SDK1: variants seen among roughly 807,000 people sequenced by gnomAD.
SDK1 encodes the protein protein sidekick-1.
Under a neutral mutation model 245.5 loss-of-function variants are expected in SDK1, and 157 were observed. That is an observed-to-expected ratio of 0.64 (90% CI 0.56 to 0.73). The LOEUF is 0.73. Ranked by LOEUF, SDK1 falls within the 30% of genes least tolerant of loss-of-function variation. SDK1 has a pLI of 0.00. For missense variants in SDK1, 3,583 were observed against 3,002.3 expected (o/e 1.19, Z -4.52); for synonymous variants, 1,647 against 1,278.5 (o/e 1.29, Z -6.15).
At chr7:3,866,825 A>G (rs577939364) in intron 5 of SDK1, among the ~76,000 whole-genome samples, 2 of 152,274 alleles carry the variant, frequency 1.3e-5, no homozygotes, top group East Asian at 3.9e-4. Flanking sequence ...GTAAGGACAG[A>G]CTGTGAAGGA....
chr7:3,965,720 G>A (rs1782034360), intron 9 of SDK1, among the ~76,000 whole-genome samples: 1 of 151,270 alleles, frequency 6.6e-6, no homozygotes, highest in Non-Finnish European at 1.5e-5. Context: ...ACTCCAGCCA[G>A]CCAGGGGTGC....
chr7:4,220,383 G>T, intron 39 of SDK1, 113 bp downstream of exon 39: 1 of 1,197,552 alleles, frequency 8.4e-7, no homozygotes, highest in Non-Finnish European at 1.2e-6. Flanking sequence ...TGGCGGCCAA[G>T]AGCTGGCATC....
At chr7:3,909,606 A>G (rs1028792484) in intron 5 of SDK1, among the ~76,000 whole-genome samples, 9 of 152,238 alleles carry the variant, frequency 5.9e-5, no homozygotes, top group Non-Finnish European at 1.2e-4. Flanking sequence ...TTGAGCACTC[A>G]TCACATGTGT....
rs375356123 is a variant in SDK1, at chr7:4,178,499, C to T, written c.5011C>T (p.Arg1671Trp). ...MCELTHLKKY[R>W]RYEVIMTAYN... Reference sequence around the variant, plus strand: ...CAACCCTGCAGATTTAAAGAAGTACCGGCGCTATGAAGTAATAATGACCGC... The same window carrying T: ...CAACCCTGCAGATTTAAAGAAGTACTGGCGCTATGAAGTAATAATGACCGC... The change falls in exon 35 of 45, where the codon CGG (arginine) becomes TGG (tryptophan). Residue 1671 changes from arginine to tryptophan, a missense_variant. Arg to Trp is a moderately radical substitution (Grantham distance 101, BLOSUM62 -3). Coordinates refer to ENST00000404826, the MANE Select transcript of SDK1 (RefSeq NM_152744.4). The T allele has an allele frequency of 1.3e-5, 21 of 1,613,002 alleles. No homozygotes were observed. In the East Asian group the frequency reaches 3.8e-4, roughly 29 times the overall value.
intron 4 of SDK1, among the ~76,000 whole-genome samples, chr7:3,805,906 A>C (rs1462766843): frequency 6.6e-6 from 1 of 152,160 alleles, no homozygotes. Flanking sequence ...ACCTCCTTGT[A>C]GCTGGCCTGG....
chr7:3,741,253 A>G lies in SDK1; in HGVS notation c.714-80197A>G, dbSNP rs972049641. Reference sequence around the variant, plus strand: ...AGTGTGTTTTGAGTTTTTCCAGCCAATTTTTGGAGTAACCAAAACTTTAGG... The same window carrying G: ...AGTGTGTTTTGAGTTTTTCCAGCCAGTTTTTGGAGTAACCAAAACTTTAGG... On this transcript the variant is annotated intron_variant, in intron 4 of 44. Transcript: ENST00000404826. Among the ~76,000 whole-genome samples, 4 of 152,142 alleles carry G rather than the reference A, an allele frequency of 2.6e-5. No individual in the cohort carries two copies. The East Asian group carries it at 5.8e-4, about 22-fold the overall frequency.
chr7:4,149,497 CG>C, intron 30 of SDK1, 34 bp downstream of exon 30: 3 of 1,380,634 alleles, frequency 2.2e-6, no homozygotes, highest in Non-Finnish European at 2.8e-6. Context: ...CCCCGGGGAA[CG>C]GGGCCCTGGC....
At chr7:3,709,219 A>C (rs918089759) in intron 4 of SDK1, among the ~76,000 whole-genome samples, 5 of 152,328 alleles carry the variant, frequency 3.3e-5, no homozygotes, top group African/African-American at 1.2e-4. Flanking sequence ...GCTGGATACA[A>C]AATTCTTGGC....
intron 13 of SDK1, among the ~76,000 whole-genome samples, chr7:3,980,027 G>T (rs750173013): frequency 7.9e-5 from 12 of 152,256 alleles, no homozygotes; most frequent in Non-Finnish European, 1.6e-4. Context: ...AAGGAGTGAA[G>T]AATTTAATAC....
intron 5 of SDK1, among the ~76,000 whole-genome samples, chr7:3,942,120 A>G (rs1426771456): frequency 6.6e-6 from 1 of 151,938 alleles, no homozygotes; most frequent in Non-Finnish European, 1.5e-5. Context: ...GTTAGCTAGG[A>G]TGGTCTCGAT....
chr7:3,596,703 G>A (rs992791150), intron 1 of SDK1, among the ~76,000 whole-genome samples: 3 of 151,932 alleles, frequency 2.0e-5, no homozygotes, highest in African/African-American at 7.3e-5. Context: ...AAATCAAAAT[G>A]TTAAAAGAAG....
At chr7:3,723,327 A>C (rs368320612) in intron 4 of SDK1, among the ~76,000 whole-genome samples, 7 of 152,360 alleles carry the variant, frequency 4.6e-5, no homozygotes, top group Admixed American at 6.5e-5. Context: ...TCCTGAAAGA[A>C]GAGCAATTTT....
In SDK1 at chr7:3,330,784, C is replaced by T. The variant is rs924004737; in HGVS notation, c.298+28900C>T. 2.1e-4 allele frequency among the ~76,000 whole-genome samples: 25 copies of T among 119,902 alleles called. 1 individual carries two copies. The highest frequency in any genetic ancestry group is 7.3e-4 in the African/African-American group (23 of 31,304). 78.7% of individuals were successfully genotyped at this position (119,902 alleles called of 152,430 possible). A position where few individuals can be genotyped will look rare whatever the true frequency, so the allele number is the denominator to read the frequency against. On this transcript the variant is annotated intron_variant, in intron 1 of 44. Coordinates refer to ENST00000404826, the MANE Select transcript of SDK1 (RefSeq NM_152744.4). ...GAACAGGAATTCGAGACAATGTGGG[C>T]AACATAACAAAACCATTTCGCTTAA...
chr7:3,527,876 G>A (rs1783199868), intron 1 of SDK1, among the ~76,000 whole-genome samples: 1 of 150,944 alleles, frequency 6.6e-6, no homozygotes, highest in Non-Finnish European at 1.5e-5. Flanking sequence ...ATGATAGTCA[G>A]CTAGAGAGTG....
At chr7:3,942,534 C>T (rs1040590638) in intron 5 of SDK1, among the ~76,000 whole-genome samples, 2 of 152,198 alleles carry the variant, frequency 1.3e-5, no homozygotes, top group African/African-American at 4.8e-5. Context: ...AGCCAAAGAA[C>T]ATATTGCTCA....
intron 4 of SDK1, among the ~76,000 whole-genome samples, chr7:3,736,397 C>T (rs1223485377): frequency 6.6e-6 from 1 of 152,046 alleles, no homozygotes; most frequent in African/African-American, 2.4e-5. Flanking sequence ...GGTTCACGCC[C>T]TTCTCCTGCC....
intron 4 of SDK1, among the ~76,000 whole-genome samples, chr7:3,770,619 G>C (rs1369411703): frequency 6.6e-6 from 1 of 152,198 alleles, no homozygotes; most frequent in African/African-American, 2.4e-5. Context: ...TTGTTGTGGA[G>C]AGATTCCCCC....
At chr7:3,469,691 C>A (rs1781123104) in intron 1 of SDK1, among the ~76,000 whole-genome samples, 1 of 152,112 alleles carries the variant, frequency 6.6e-6, no homozygotes, top group African/African-American at 2.4e-5. Flanking sequence ...ATTTTCTGAG[C>A]AGTTTGCTTG....
At chr7:3,476,684 T>C (rs1781356630) in intron 1 of SDK1, among the ~76,000 whole-genome samples, 1 of 152,250 alleles carries the variant, frequency 6.6e-6, no homozygotes. Flanking sequence ...TCAGTCACTT[T>C]GTAGTGAACT....
Sources: gnomAD v4.1 joint callset for allele counts (sites outside exome capture counted in the v4.1 genomes callset) on GRCh38, gnomAD v4.1.1 for gene constraint, MANE v1.5 for transcripts, NCBI Gene and HGNC (gene_info 2026-07-23, HGNC 2026-07-21) for gene names.